Variants in MAS1 observed in about 807,000 individuals in gnomAD.
MAS1 encodes MAS1 proto-oncogene, G protein-coupled receptor, also known as proto-oncogene Mas.
For missense variants in MAS1, 387 were observed against 409.7 expected (o/e 0.94, Z 0.48); for synonymous variants, 163 against 164.2 (o/e 0.99, Z 0.05).
rs1783008894 is a variant in MAS1 at position 159,915,239 on chromosome 6, G to T, written c.*7306G>T. On this transcript the variant is annotated 3_prime_UTR_variant, in exon 3 of 3. Transcript: ENST00000674077. ...CAAAGGAAACTGGTGAAGTTTGGGG[G>T]TGCCTCCATTTTGCACGTTGTTCAT... 2 of 152,196 alleles carry T rather than the reference G, an allele frequency of 1.3e-5. No homozygotes were observed. The highest frequency in any genetic ancestry group is 4.8e-5 in the African/African-American group (2 of 41,434). The allele number at this position is 152,196 out of a possible 1,614,324, so 9.4% of individuals were successfully genotyped here. A position where few individuals can be genotyped will look rare whatever the true frequency, so the allele number is the denominator to read the frequency against.
At position 159,908,605 on chromosome 6, in the gene MAS1, G is replaced by T. The variant is rs1262899587; in HGVS notation, c.*672G>T. On this transcript the variant is annotated 3_prime_UTR_variant, in exon 3 of 3. Coordinates refer to ENST00000674077, the MANE Select transcript of MAS1 (RefSeq NM_002377.4). ...ACATGTTGAATGTAAATTTACGAAG[G>T]TCTTCTTTTTGCTTGCAGCATGAAA... 1 of 151,576 alleles carries T rather than the reference G, an allele frequency of 6.6e-6. No homozygotes were observed. The highest frequency in any genetic ancestry group is 3.4e-3 in the Middle Eastern group (1 of 294). 9.4% of individuals were successfully genotyped at this position (151,576 alleles called of 1,614,324 possible). A position where few individuals can be genotyped will look rare whatever the true frequency, so the allele number is the denominator to read the frequency against.
chr6:159,894,418 C>CAAAAAAAAAAAA (rs5881344), intron 1 of MAS1, among the ~76,000 whole-genome samples: 5 of 79,134 alleles, frequency 6.3e-5, no homozygotes, highest in African/African-American at 2.4e-4. Flanking sequence ...GACCCTGTCT[C>CAAAAAAAAAAAA]AAAAAAAAAA....
intron 2 of MAS1, among the ~76,000 whole-genome samples, chr6:159,905,575 G>A (rs1346698135): frequency 4.6e-5 from 7 of 152,132 alleles, no homozygotes; most frequent in African/African-American, 7.2e-5. Flanking sequence ...GTCCAGGCCC[G>A]GCTGTACTGA....
intron 2 of MAS1, 39 bp from the exon 3 acceptor site, chr6:159,906,881 T>A: frequency 6.9e-7 from 1 of 1,442,292 alleles, no homozygotes; most frequent in Non-Finnish European, 9.3e-7. Context: ...ACAATTTTCA[T>A]GGCTTTTTGT....
At chr6:159,897,005 C>T in intron 1 of MAS1, among the ~76,000 whole-genome samples, 1 of 152,154 alleles carries the variant, frequency 6.6e-6, no homozygotes, top group Non-Finnish European at 1.5e-5. Flanking sequence ...TCCCAAGCAG[C>T]TGGGACTACA....
intron 2 of MAS1, among the ~76,000 whole-genome samples, chr6:159,901,469 C>T (rs1420668250): frequency 6.6e-6 from 1 of 152,142 alleles, no homozygotes; most frequent in Non-Finnish European, 1.5e-5. Flanking sequence ...TGTGATGGTG[C>T]ATGCCTGTTG....
At chr6:159,904,794 G>A (rs574297705) in intron 2 of MAS1, among the ~76,000 whole-genome samples, 1 of 152,358 alleles carries the variant, frequency 6.6e-6, no homozygotes, top group Non-Finnish European at 1.5e-5. Context: ...CCTGCCTTCA[G>A]CACCTGACTG....
Position 159,907,335 on chromosome 6 carries a change from G to A in MAS1, c.380G>A (p.Ser127Asn). The change falls in exon 3 of 3, where the codon AGT becomes AAT. Residue 127 changes from serine to asparagine, a missense_variant. Coordinates refer to ENST00000674077, the MANE Select transcript of MAS1 (RefSeq NM_002377.4). Reference protein sequence around the residue: ...NTGLYLLTAISVERCLSVLYP... With the variant: ...NTGLYLLTAINVERCLSVLYP... ...GGCCTCTATCTGCTGACGGCCATTA[G>A]TGTGGAGAGGTGCCTGTCAGTCCTT... 2 of 1,614,200 alleles carry A rather than the reference G, an allele frequency of 1.2e-6. No individual in the cohort carries two copies. The highest frequency in any genetic ancestry group is 1.7e-6 in the Non-Finnish European group (2 of 1,180,038).
chr6:159,906,524 A>G (rs1227707541), intron 2 of MAS1, among the ~76,000 whole-genome samples: 2 of 152,228 alleles, frequency 1.3e-5, no homozygotes, highest in South Asian at 4.1e-4. Flanking sequence ...AGGCAAATGA[A>G]TGGAGGCACA....
chr6:159,897,688 CAGTT>C (rs1427378962), intron 1 of MAS1, among the ~76,000 whole-genome samples: 5 of 152,262 alleles, frequency 3.3e-5, no homozygotes, highest in African/African-American at 1.2e-4. Context: ...AAGATGGAAT[CAGTT>C]AGGTGAGATC....
rs77742325 is a variant in MAS1 at position 159,910,625 on chromosome 6, T to C, written c.*2692T>C. The C allele has an allele frequency of 6.6e-6, 1 of 152,288 alleles. No homozygotes were observed. Among genetic ancestry groups the C allele is most frequent in the Non-Finnish European group, 1.5e-5 (1 of 68,098 alleles). 9.4% of individuals were successfully genotyped at this position (152,288 alleles called of 1,614,324 possible). On this transcript the variant is annotated 3_prime_UTR_variant, in exon 3 of 3. Transcript: ENST00000674077. ...TATTTGCTGTGTTGGTCGAATCCAC[T>C]GCACCCCTCTCTGGGCTGTTTCCTT...
chr6:159,892,434 CTCTT>C (rs1666750264), intron 1 of MAS1, among the ~76,000 whole-genome samples: 1 of 152,156 alleles, frequency 6.6e-6, no homozygotes, highest in Non-Finnish European at 1.5e-5. Context: ...TGGCTTTTCT[CTCTT>C]TCCTTTTTTC....
rs1782979105 is a variant in MAS1, at chr6:159,912,824, G to A, written c.*4891G>A. ...AGGATTCTGTGAAGGAGGTAAGAGA[G>A]GTGTCACAGAACTGCTAAAATACAC... On this transcript the variant is annotated 3_prime_UTR_variant, in exon 3 of 3. Coordinates refer to ENST00000674077, the MANE Select transcript of MAS1 (RefSeq NM_002377.4). 1 of 152,118 alleles carries A rather than the reference G, an allele frequency of 6.6e-6. No homozygotes were observed. Among genetic ancestry groups the A allele is most frequent in the Non-Finnish European group, 1.5e-5 (1 of 68,022 alleles). The allele number at this position is 152,118 out of a possible 1,614,324, so 9.4% of individuals were successfully genotyped here. A position where few individuals can be genotyped will look rare whatever the true frequency, so the allele number is the denominator to read the frequency against.
In MAS1 at chr6:159,915,566, G is replaced by C. The variant is rs546930742; in HGVS notation, c.*7633G>C. 1 of 152,306 alleles carries C rather than the reference G, an allele frequency of 6.6e-6. No individual in the cohort carries two copies. Among genetic ancestry groups the C allele is most frequent in the East Asian group, 1.9e-4 (1 of 5,188 alleles). The allele number at this position is 152,306 out of a possible 1,614,324, so 9.4% of individuals were successfully genotyped here. A position where few individuals can be genotyped will look rare whatever the true frequency, so the allele number is the denominator to read the frequency against. Reference sequence around the variant, plus strand: ...GTATGGTACATTTTGGCCAACACCAGCCTGTTAATGCCTGAGGCAGAGGCC... The same window carrying C: ...GTATGGTACATTTTGGCCAACACCACCCTGTTAATGCCTGAGGCAGAGGCC... On this transcript the variant is annotated 3_prime_UTR_variant, in exon 3 of 3. Coordinates refer to ENST00000674077, the MANE Select transcript of MAS1 (RefSeq NM_002377.4).
At position 159,910,248 on chromosome 6, in the gene MAS1, C is replaced by T. The variant is rs1782949849; in HGVS notation, c.*2315C>T. On this transcript the variant is annotated 3_prime_UTR_variant, in exon 3 of 3. Transcript: ENST00000674077. ...TACAAAGATTCATGCACAGCCTTCT[C>T]TGCAGAACACCATGATGTGGACAAG... 1 of 152,256 alleles carries T rather than the reference C, an allele frequency of 6.6e-6. No individual in the cohort carries two copies. Among genetic ancestry groups the T allele is most frequent in the South Asian group, 2.1e-4 (1 of 4,828 alleles). The allele number at this position is 152,256 out of a possible 1,614,324, so 9.4% of individuals were successfully genotyped here.
intron 1 of MAS1, among the ~76,000 whole-genome samples, chr6:159,897,082 G>A (rs1170075984): frequency 6.6e-6 from 1 of 152,014 alleles, no homozygotes; most frequent in Non-Finnish European, 1.5e-5. Flanking sequence ...CACCATGTTA[G>A]CCAGGATGGT....
chr6:159,894,464 G>C (rs1449061408), intron 1 of MAS1, among the ~76,000 whole-genome samples: 3 of 151,372 alleles, frequency 2.0e-5, no homozygotes, highest in Admixed American at 6.6e-5. Flanking sequence ...GGAACTCCAA[G>C]GTGCAAAGGG....
In MAS1 at chr6:159,907,522, C is replaced by T; in HGVS notation, c.567C>T (p.Ile189=). ...GGAATGACTGCCGAGCAGTCATCAT[C>T]TTTATAGCCATCCTGAGCTTCCTGG... is the stretch of plus-strand genomic sequence containing the variant. ...HSRNDCRAVI[I]FIAILSFLVF... is the part of the protein sequence containing the mutation. The change falls in exon 3 of 3, where the codon ATC becomes ATT. Residue 189 remains isoleucine, a synonymous_variant. Coordinates refer to ENST00000674077, the MANE Select transcript of MAS1 (RefSeq NM_002377.4). 1 of 1,614,052 alleles carries T rather than the reference C, an allele frequency of 6.2e-7. No individual in the cohort carries two copies. The highest frequency in any genetic ancestry group is 8.5e-7 in the Non-Finnish European group (1 of 1,180,020).
At chr6:159,893,714 G>T (rs1583210017) in intron 1 of MAS1, among the ~76,000 whole-genome samples, 1 of 152,140 alleles carries the variant, frequency 6.6e-6, no homozygotes, top group Admixed American at 6.5e-5. Context: ...GTGTATGTAT[G>T]ACTATACATA....
Sources: gnomAD v4.1 joint callset for allele counts (sites outside exome capture counted in the v4.1 genomes callset) on GRCh38, gnomAD v4.1.1 for gene constraint, MANE v1.5 for transcripts, NCBI Gene and HGNC (gene_info 2026-07-23, HGNC 2026-07-21) for gene names.